The following ANKRD12 variants were observed in gnomAD, a reference collection of about 807,000 sequenced individuals.
ANKRD12 encodes the protein ankyrin repeat domain-containing protein 12.
In ANKRD12, 85 loss-of-function variants were observed where a neutral mutation model predicts 183.4. The ratio of observed to expected loss-of-function variants is 0.46; its 90% confidence interval spans 0.39 to 0.56. The LOEUF is 0.56. Ranked by LOEUF, ANKRD12 falls within the 20% of genes least tolerant of loss-of-function variation. The pLI is 0.00. For missense variants in ANKRD12, 2,405 were observed against 2,357.1 expected (o/e 1.02, Z -0.42); for synonymous variants, 914 against 800.2 (o/e 1.14, Z -2.40).
chr18:9,256,632 A>G lies in ANKRD12; in HGVS notation c.3365A>G (p.Asp1122Gly). 1 of 1,606,344 alleles carries G rather than the reference A, an allele frequency of 6.2e-7. No homozygotes were observed. Residue 1122 changes from aspartate to glycine, a missense_variant, in exon 9 of 13, where the codon GAT (aspartate) becomes GGT (glycine). Coordinates refer to ENST00000262126, the MANE Select transcript of ANKRD12 (RefSeq NM_015208.5). ...NRNCLELKIK[D>G]KEKTKHTPTE... Reference sequence around the variant, plus strand: ...AACTGTTTAGAACTTAAAATAAAAGATAAAGAAAAAACAAAGCATACACCA... The same window carrying G: ...AACTGTTTAGAACTTAAAATAAAAGGTAAAGAAAAAACAAAGCATACACCA...
At chr18:9,233,621 T>G (rs1279639197) in intron 8 of ANKRD12, among the ~76,000 whole-genome samples, 1 of 152,188 alleles carries the variant, frequency 6.6e-6, no homozygotes, top group Non-Finnish European at 1.5e-5. Context: ...GATAGGGCCT[T>G]TTGGCTTTGA....
intron 8 of ANKRD12, among the ~76,000 whole-genome samples, chr18:9,253,147 T>C (rs1414621075): frequency 6.6e-6 from 1 of 152,194 alleles, no homozygotes; most frequent in Non-Finnish European, 1.5e-5. Context: ...AAGTATACAA[T>C]GTGTAAAAAA....
chr18:9,279,280 C>G (rs933420303), intron 11 of ANKRD12, among the ~76,000 whole-genome samples: 1 of 152,038 alleles, frequency 6.6e-6, no homozygotes, highest in Non-Finnish European at 1.5e-5. Flanking sequence ...ATGTAACATG[C>G]CTTTTTGAGA....
rs1192670059 is a variant in ANKRD12, at chr18:9,202,266, A to G, written c.236-2210A>G. On this transcript the variant is annotated intron_variant, in intron 3 of 12. Coordinates refer to ENST00000262126, the MANE Select transcript of ANKRD12 (RefSeq NM_015208.5). The stretch of plus-strand genomic sequence containing the variant: ...ATCTCTGCCAGCCAGCCTTAGTTCT[A>G]TTTTCCTAAGACTTTAGATGCCATT... Among the ~76,000 whole-genome samples the G allele has an allele frequency of 3.9e-5, 6 of 152,240 alleles. No individual in the cohort carries two copies. The East Asian group carries it at 9.6e-4, about 24-fold the overall frequency.
At position 9,265,012 on chromosome 18, in the gene ANKRD12, G is replaced by A. The variant is rs150861777; in HGVS notation, c.5763+1124G>A. Among the ~76,000 whole-genome samples the A allele has an allele frequency of 3.4e-3, 514 of 152,362 alleles. 1 individual carries two copies. Among genetic ancestry groups the A allele is most frequent in the Admixed American group, 5.9e-3 (91 of 15,308 alleles). The stretch of plus-strand genomic sequence containing the variant: ...CTGACTAAGAGAGTGCTACGCCCAC[G>A]GAGCCTCGCTCATTGCTAGCACAGC... On this transcript the variant is annotated intron_variant, in intron 10 of 12. Coordinates refer to ENST00000262126, the MANE Select transcript of ANKRD12 (RefSeq NM_015208.5).
At chr18:9,262,650 G>A (rs1264041617) in intron 9 of ANKRD12, among the ~76,000 whole-genome samples, 1 of 151,034 alleles carries the variant, frequency 6.6e-6, no homozygotes, top group Non-Finnish European at 1.5e-5. Context: ...TTTTTGAGAT[G>A]GGGGTCTCAA....
rs149215658 is a variant in ANKRD12 at position 9,194,778 on chromosome 18, A to G, written c.88-773A>G. On this transcript the variant is annotated intron_variant, in intron 2 of 12. Transcript: ENST00000262126. The stretch of plus-strand genomic sequence containing the variant: ...GGTTCTATTCAAAATATTTTGTTTT[A>G]CTGTTGTTTTAAAATTGTTATTAGA... Among the ~76,000 whole-genome samples, 1,059 of 152,290 alleles carry G rather than the reference A, an allele frequency of 7.0e-3. 8 individuals carry two copies. The highest frequency in any genetic ancestry group is 0.012 in the Non-Finnish European group (807 of 68,010).
At chr18:9,161,200 A>C (rs948905842) in intron 1 of ANKRD12, among the ~76,000 whole-genome samples, 1 of 152,028 alleles carries the variant, frequency 6.6e-6, no homozygotes, top group Non-Finnish European at 1.5e-5. Flanking sequence ...ATGACCTCCA[A>C]TACCTTAGTA....
intron 10 of ANKRD12, among the ~76,000 whole-genome samples, chr18:9,272,300 C>T (rs529235064): frequency 1.1e-4 from 17 of 152,240 alleles, no homozygotes; most frequent in African/African-American, 3.9e-4. Flanking sequence ...TGGTGGCTCA[C>T]GCCTGTTATC....
At chr18:9,235,038 C>G (rs2037264884) in intron 8 of ANKRD12, among the ~76,000 whole-genome samples, 2 of 152,246 alleles carry the variant, frequency 1.3e-5, no homozygotes, top group African/African-American at 4.8e-5. Flanking sequence ...TGTTCTCTTC[C>G]TAGATACCCT....
At chr18:9,157,228 T>C (rs1379237105) in intron 1 of ANKRD12, among the ~76,000 whole-genome samples, 2 of 151,930 alleles carry the variant, frequency 1.3e-5, no homozygotes, top group African/African-American at 4.9e-5. Flanking sequence ...TCTGTAAATG[T>C]ACTCAGCATA....
intron 4 of ANKRD12, among the ~76,000 whole-genome samples, chr18:9,207,968 G>T (rs569286575): frequency 6.6e-6 from 1 of 152,300 alleles, no homozygotes; most frequent in African/African-American, 2.4e-5. Flanking sequence ...GGGTTTCCCA[G>T]ATAGTTAAAT....
chr18:9,211,106 A>C (rs2035779410), intron 5 of ANKRD12, among the ~76,000 whole-genome samples: 1 of 152,000 alleles, frequency 6.6e-6, no homozygotes, highest in Non-Finnish European at 1.5e-5. Context: ...TATTTTTTGT[A>C]GCTCTTCTCT....
intron 1 of ANKRD12, among the ~76,000 whole-genome samples, chr18:9,172,402 G>A (rs757870661): frequency 2.0e-5 from 3 of 152,062 alleles, no homozygotes; most frequent in South Asian, 2.1e-4. Context: ...CATATTTCTC[G>A]AGGTTTTGAT....
At chr18:9,138,147 A>G (rs1274935208) in intron 1 of ANKRD12, among the ~76,000 whole-genome samples, 1 of 152,258 alleles carries the variant, frequency 6.6e-6, no homozygotes, top group East Asian at 1.9e-4. Flanking sequence ...TTTTCATTTT[A>G]GAATGGTTTA....
chr18:9,226,318 A>C (rs1019542769), intron 8 of ANKRD12, among the ~76,000 whole-genome samples: 4 of 152,030 alleles, frequency 2.6e-5, no homozygotes, highest in Admixed American at 6.6e-5. Flanking sequence ...CCAGCTACTC[A>C]GGAGGCTGAG....
chr18:9,223,401 G>A (rs1453567384), intron 8 of ANKRD12, among the ~76,000 whole-genome samples: 3 of 151,776 alleles, frequency 2.0e-5, no homozygotes, highest in East Asian at 1.9e-4. Flanking sequence ...GACTACAGGC[G>A]CATGCCACCA....
chr18:9,271,555 A>G (rs2039607276), intron 10 of ANKRD12, among the ~76,000 whole-genome samples: 1 of 152,020 alleles, frequency 6.6e-6, no homozygotes, highest in African/African-American at 2.4e-5. Flanking sequence ...TTGGGGTCCC[A>G]CTGTGTTGCC....
intron 7 of ANKRD12, among the ~76,000 whole-genome samples, chr18:9,220,760 A>G (rs898199015): frequency 4.6e-5 from 7 of 152,204 alleles, no homozygotes; most frequent in African/African-American, 1.4e-4. Flanking sequence ...GAATGGATGG[A>G]TCGCATAATT....
Sources: gnomAD v4.1 joint callset for allele counts (sites outside exome capture counted in the v4.1 genomes callset) on GRCh38, gnomAD v4.1.1 for gene constraint, MANE v1.5 for transcripts, NCBI Gene and HGNC (gene_info 2026-07-23, HGNC 2026-07-21) for gene names.